Variants in TPGS2 observed in about 807,000 individuals in gnomAD.
TPGS2 encodes the protein polyglutamylase subunit 2.
Under a neutral mutation model 31.1 loss-of-function variants are expected in TPGS2, and 26 were observed. The ratio of observed to expected loss-of-function variants is 0.84; its 90% CI spans 0.61 to 1.16. The LOEUF (loss-of-function observed/expected upper bound fraction) is 1.16, where lower values mean the gene tolerates loss of function less well. TPGS2 is among the 50% of genes most tolerant of loss of function. The pLI is 0.00. For missense variants in TPGS2, 351 were observed against 363.8 expected (o/e 0.96, Z 0.29); for synonymous variants, 130 against 136.6 (o/e 0.95, Z 0.34).
At chr18:36,791,252 C>A (rs1412994103), downstream of TPGS2, among the ~76,000 whole-genome samples, 2 of 152,202 alleles carry the variant, frequency 1.3e-5, no homozygotes, top group Non-Finnish European at 2.9e-5. Context: ...TTAAATCTCT[C>A]TTCTTTATAA....
chr18:36,780,586 T>C (rs190816964), downstream of TPGS2, among the ~76,000 whole-genome samples: 43 of 152,302 alleles, frequency 2.8e-4, no homozygotes, highest in East Asian at 8.1e-3. Context: ...GTGCAGATAT[T>C]ATAGACTATA....
downstream of TPGS2, among the ~76,000 whole-genome samples, chr18:36,791,521 G>C (rs936008766): frequency 3.9e-5 from 6 of 152,232 alleles, no homozygotes; most frequent in East Asian, 1.2e-3. Flanking sequence ...TGGAGTTTTG[G>C]AGAGAGAGAG....
chr18:36,822,405 T>A lies in TPGS2; in HGVS notation c.86-3432A>T, dbSNP rs116950743. 3.6e-3 allele frequency among the ~76,000 whole-genome samples: 556 copies of A among 152,346 alleles called. 23 individuals carry two copies. In the East Asian group the frequency reaches 0.091, roughly 25 times the overall value. Reference sequence around the variant, plus strand: ...TTATACTTGGGACTAAAACTGTTTCTGAGTCCTGTGAGTCCTTGCAGTGGA... The same window carrying A: ...TTATACTTGGGACTAAAACTGTTTCAGAGTCCTGTGAGTCCTTGCAGTGGA... On this transcript the variant is annotated intron_variant, in intron 1 of 6. Coordinates refer to ENST00000334295, the MANE Select transcript of TPGS2 (RefSeq NM_015476.4).
In TPGS2 at chr18:36,798,573, C is replaced by G; in HGVS notation, c.533G>C (p.Arg178Thr). Residue 178 changes from arginine (R) to threonine (T), a missense_variant, in exon 6 of 7, where the codon AGA becomes ACA. Coordinates refer to ENST00000334295, the MANE Select transcript of TPGS2 (RefSeq NM_015476.4). The part of the protein sequence containing the change: ...AEDTEIWFLD[R>T]ALYWHFLTDT... ...TGTGAGAAAATGCCAGTATAACGCTCTGTCCAGGAACCAGATCTCAGTGTC... is the reference window on the plus strand; with the variant it reads ...TGTGAGAAAATGCCAGTATAACGCTGTGTCCAGGAACCAGATCTCAGTGTC... 1 of 1,614,178 alleles carries G rather than the reference C, an allele frequency of 6.2e-7. No individual in the cohort carries two copies. Among genetic ancestry groups the G allele is most frequent in the Non-Finnish European group, 8.5e-7 (1 of 1,180,024 alleles).
At chr18:36,791,566 G>C (rs1474015389), downstream of TPGS2, among the ~76,000 whole-genome samples, 1 of 152,166 alleles carries the variant, frequency 6.6e-6, no homozygotes, top group Non-Finnish European at 1.5e-5. Context: ...AGGTAATATA[G>C]AAAGTCAATG....
intron 2 of TPGS2, among the ~76,000 whole-genome samples, chr18:36,812,965 C>G (rs1050256900): frequency 9.2e-5 from 14 of 152,146 alleles, no homozygotes; most frequent in African/African-American, 3.1e-4. Flanking sequence ...AGAGGAAAAA[C>G]AGTGTGTGTT....
downstream of TPGS2, chr18:36,794,060 T>G (rs1483709060): frequency 2.2e-5 from 4 of 185,934 alleles, no homozygotes; most frequent in Non-Finnish European, 4.0e-5. Context: ...TATTTTCATT[T>G]AAAACTGGAA....
At chr18:36,798,839 A>G (rs1188502649) in intron 5 of TPGS2, among the ~76,000 whole-genome samples, 1 of 152,132 alleles carries the variant, frequency 6.6e-6, no homozygotes, top group Non-Finnish European at 1.5e-5. Flanking sequence ...AGATCAGTAG[A>G]TTGATCTATC....
intron 1 of TPGS2, chr18:36,821,229 AT>A (rs1256516773): frequency 6.6e-6 from 1 of 152,196 alleles, no homozygotes; most frequent in Non-Finnish European, 1.5e-5. Flanking sequence ...GAGCCATCAC[AT>A]ACTAAATCCA....
chr18:36,787,001 T>TCAGCTCCC (rs2044148223), intron 6 of TPGS2: 1 of 1,234,264 alleles, frequency 8.1e-7, no homozygotes, highest in African/African-American at 1.6e-5. Context: ...ACACAGCTCC[T>TCAGCTCCC]CAGCTCCCAT....
chr18:36,793,664 G>A (rs2044392489), downstream of TPGS2, among the ~76,000 whole-genome samples: 1 of 152,078 alleles, frequency 6.6e-6, no homozygotes, highest in African/African-American at 2.4e-5. Context: ...CATACAGTAT[G>A]TAAACATAAG....
chr18:36,825,924 A>C lies in TPGS2; in HGVS notation c.85+2759T>G, dbSNP rs745472626. Among the ~76,000 whole-genome samples, 86 of 152,356 alleles carry C rather than the reference A, an allele frequency of 5.6e-4. 2 individuals are homozygous for C. The highest frequency in any genetic ancestry group is 3.4e-3 in the Middle Eastern group (1 of 294). ...TTAACAATATTAACTCTTCCAATCC[A>C]TAAACATGGTATGTCTTCTCATTTA... On this transcript the variant is annotated intron_variant, in intron 1 of 6. Coordinates refer to ENST00000334295, the MANE Select transcript of TPGS2 (RefSeq NM_015476.4).
rs1568042097 is a variant in TPGS2 at position 36,828,901 on chromosome 18, G to GAA, written c.-135_-134insTT. 8.6e-7 allele frequency: 1 copy of GAA among 1,158,590 alleles called. No homozygotes were observed. Among genetic ancestry groups the GAA allele is most frequent in the East Asian group, 2.6e-5 (1 of 38,798 alleles). The allele number at this position is 1,158,590 out of a possible 1,614,324, so 71.8% of individuals were successfully genotyped here. On this transcript the variant is annotated 5_prime_UTR_variant, in exon 1 of 7. Coordinates refer to ENST00000334295, the MANE Select transcript of TPGS2 (RefSeq NM_015476.4). ...GAAAGCGCGGCGCAGTGATGATGGG[G>GAA]GCCCGGGGTTGGTCTGACAGCAGCA...
intron 6 of TPGS2, among the ~76,000 whole-genome samples, chr18:36,797,311 A>G (rs1025604878): frequency 6.6e-6 from 1 of 151,986 alleles, no homozygotes; most frequent in Non-Finnish European, 1.5e-5. Context: ...ATCTGAGCAC[A>G]CCTCCTTCTG....
Position 36,796,385 on chromosome 18 carries a change from T to C in TPGS2, c.*420A>G. 1 of 986,884 alleles carries C rather than the reference T, an allele frequency of 1.0e-6. No homozygotes were observed. Among genetic ancestry groups the C allele is most frequent in the Non-Finnish European group, 1.2e-6 (1 of 830,150 alleles). 61.1% of individuals were successfully genotyped at this position (986,884 alleles called of 1,614,324 possible). ...TAATGCAATTGAAGAAATGAATTTT[T>C]CATACAATTTACTTTAAATTTAAAT... On this transcript the variant is annotated 3_prime_UTR_variant, in exon 7 of 7. Coordinates refer to ENST00000334295, the MANE Select transcript of TPGS2 (RefSeq NM_015476.4).
intron 4 of TPGS2, 40 bp downstream of exon 4, chr18:36,805,334 G>T: frequency 6.2e-7 from 1 of 1,609,526 alleles, no homozygotes; most frequent in Non-Finnish European, 8.5e-7. Flanking sequence ...CATGGAGCTG[G>T]ATGCTGGAAA....
chr18:36,804,770 G>T (rs2045027361), intron 4 of TPGS2, among the ~76,000 whole-genome samples: 1 of 152,144 alleles, frequency 6.6e-6, no homozygotes, highest in Admixed American at 6.5e-5. Context: ...GTTGCCATTT[G>T]ACTCTTCTAA....
At chr18:36,780,279 T>C (rs2043973764), downstream of TPGS2, 5 of 976,014 alleles carry the variant, frequency 5.1e-6, no homozygotes, top group South Asian at 2.6e-4. Context: ...ACAGGACGTG[T>C]TAGCTGTTGT....
At chr18:36,780,703 G>T (rs1057356833), downstream of TPGS2, among the ~76,000 whole-genome samples, 2 of 152,212 alleles carry the variant, frequency 1.3e-5, no homozygotes, top group African/African-American at 4.8e-5. Context: ...ACTGAATACT[G>T]TAGGCAGTTG....
Sources: allele counts gnomAD v4.1 joint callset (sites outside exome capture counted in the v4.1 genomes callset), GRCh38; gene constraint gnomAD v4.1.1; transcripts MANE v1.5; gene names NCBI Gene and HGNC (gene_info 2026-07-23, HGNC 2026-07-21).